HIVEP2: variants seen among roughly 807,000 people sequenced by gnomAD.
HIVEP2 encodes the protein transcription factor HIVEP2.
Under a neutral mutation model 180.7 loss-of-function variants are expected in HIVEP2, and 14 were observed. The ratio of observed to expected loss-of-function variants is 0.08; its 90% CI spans 0.05 to 0.12. The LOEUF (loss-of-function observed/expected upper bound fraction) is 0.12, where lower values mean the gene tolerates loss of function less well. HIVEP2 is among the 10% of genes least tolerant of loss of function. HIVEP2 has a pLI of 1.00. For missense variants in HIVEP2, 2,579 were observed against 3,008.5 expected (o/e 0.86, Z 3.34); for synonymous variants, 1,184 against 1,136.4 (o/e 1.04, Z -0.84).
At chr6:142,830,705 T>C (rs142901486) in intron 2 of HIVEP2, among the ~76,000 whole-genome samples, 1 of 152,134 alleles carries the variant, frequency 6.6e-6, no homozygotes, top group Non-Finnish European at 1.5e-5. Flanking sequence ...CAGACTCAAC[T>C]GGTACACAAT....
At position 142,775,034 on chromosome 6, in the gene HIVEP2, A is replaced by G; in HGVS notation, c.-296T>C. The G allele has an allele frequency of 8.9e-7, 1 of 1,127,548 alleles. No individual in the cohort carries two copies. The highest frequency in any genetic ancestry group is 1.1e-6 in the Non-Finnish European group (1 of 919,798). 69.8% of individuals were successfully genotyped at this position (1,127,548 alleles called of 1,614,324 possible). A position where few individuals can be genotyped will look rare whatever the true frequency, so the allele number is the denominator to read the frequency against. On this transcript the variant is annotated 5_prime_UTR_variant, in exon 5 of 10. The change abolishes the stop of an existing upstream ORF in the 5' untranslated region. Transcript: ENST00000367603. ...TTATGGCATTTGAAAATTTTCAACT[A>G]GGATGAAATTGGGATGATGAATAGT...
At chr6:142,850,088 G>T (rs1339643070) in intron 1 of HIVEP2, among the ~76,000 whole-genome samples, 1 of 152,184 alleles carries the variant, frequency 6.6e-6, no homozygotes, top group African/African-American at 2.4e-5. Context: ...AAAGCAGGTG[G>T]TCGAAACTGT....
intron 7 of HIVEP2, among the ~76,000 whole-genome samples, chr6:142,762,452 G>GCACACA (rs35168499): frequency 0.026 from 3,742 of 144,048 alleles, 62 homozygotes; most frequent in Non-Finnish European, 0.037. Flanking sequence ...ACAGAAGAAT[G>GCACACA]CACACACACA....
chr6:142,782,996 A>G (rs1484552071), intron 3 of HIVEP2, among the ~76,000 whole-genome samples: 1 of 152,236 alleles, frequency 6.6e-6, no homozygotes, highest in Non-Finnish European at 1.5e-5. Context: ...ACTTTGTCAG[A>G]AATAAATTCT....
chr6:142,867,001 G>A (rs747982534), intron 1 of HIVEP2, among the ~76,000 whole-genome samples: 1 of 152,160 alleles, frequency 6.6e-6, no homozygotes, highest in Non-Finnish European at 1.5e-5. Context: ...AGGATCCAGA[G>A]GGTTATAAGA....
intron 1 of HIVEP2, among the ~76,000 whole-genome samples, chr6:142,890,271 G>C (rs938619820): frequency 6.6e-6 from 1 of 152,210 alleles, no homozygotes; most frequent in Non-Finnish European, 1.5e-5. Context: ...GAGAAGATCA[G>C]ATAACAGAGT....
intron 1 of HIVEP2, among the ~76,000 whole-genome samples, chr6:142,927,225 G>A (rs1330366609): frequency 6.6e-6 from 1 of 152,182 alleles, no homozygotes; most frequent in African/African-American, 2.4e-5. Context: ...TTTCCCACGG[G>A]GAGGAAAAGG....
intron 6 of HIVEP2, among the ~76,000 whole-genome samples, chr6:142,767,379 AC>A (rs36099170): frequency 6.6e-6 from 1 of 152,216 alleles, no homozygotes; most frequent in Admixed American, 6.5e-5. Context: ...AGAGGGCAAA[AC>A]CTAAGGGACA....
At chr6:142,848,644 A>C (rs1775574998) in intron 1 of HIVEP2, among the ~76,000 whole-genome samples, 1 of 152,062 alleles carries the variant, frequency 6.6e-6, no homozygotes, top group Non-Finnish European at 1.5e-5. Flanking sequence ...GATTGCTTGC[A>C]TCTGGGAAGT....
chr6:142,788,440 T>C (rs2114713204), intron 2 of HIVEP2: 1 of 152,284 alleles, frequency 6.6e-6, no homozygotes, highest in Middle Eastern at 3.4e-3. Flanking sequence ...TGGCTGGGTA[T>C]GGTGGCTCAC....
At chr6:142,825,035 T>C (rs1043575038) in intron 2 of HIVEP2, among the ~76,000 whole-genome samples, 2 of 152,174 alleles carry the variant, frequency 1.3e-5, no homozygotes. Context: ...CTTAAACTTA[T>C]TGGACAAATC....
intron 1 of HIVEP2, among the ~76,000 whole-genome samples, chr6:142,923,914 A>T (rs1260201691): frequency 6.6e-6 from 1 of 152,248 alleles, no homozygotes; most frequent in African/African-American, 2.4e-5. Context: ...TTAAGAACTC[A>T]AAGAATCTTT....
At chr6:142,837,668 A>G (rs1215880222) in intron 1 of HIVEP2, among the ~76,000 whole-genome samples, 1 of 152,112 alleles carries the variant, frequency 6.6e-6, no homozygotes, top group Non-Finnish European at 1.5e-5. Flanking sequence ...TATAAATAAT[A>G]TTGGTTTATT....
At chr6:142,850,710 T>C (rs1191841818) in intron 1 of HIVEP2, among the ~76,000 whole-genome samples, 2 of 152,218 alleles carry the variant, frequency 1.3e-5, no homozygotes, top group African/African-American at 4.8e-5. Context: ...GGGAGGGAAT[T>C]CCTAAGCCTG....
At position 142,753,376 on chromosome 6, in the gene HIVEP2, G is replaced by A. The variant is rs1774972546; in HGVS notation, c.7072C>T (p.His2358Tyr). Reference sequence around the variant, plus strand: ...TGTGCACTTCCCAGGGGGTTCTGGTGGGGCTCCTGCACCCGCGCTGGCTGA... The same window carrying A: ...TGTGCACTTCCCAGGGGGTTCTGGTAGGGCTCCTGCACCCGCGCTGGCTGA... ...PDQPARVQEP[H>Y]QNPLGSAHVS... is the part of the protein sequence containing the mutation. Residue 2358 changes from histidine to tyrosine, a missense_variant, in exon 10 of 10, where the codon CAC (histidine) becomes TAC (tyrosine). By Grantham distance (83) the His-to-Tyr change is moderately conservative. Transcript: ENST00000367603. 6.2e-7 allele frequency: 1 copy of A among 1,614,018 alleles called. No individual in the cohort carries two copies. Among genetic ancestry groups the A allele is most frequent in the Non-Finnish European group, 8.5e-7 (1 of 1,180,034 alleles).
At chr6:142,906,591 T>C (rs1777269592) in intron 1 of HIVEP2, among the ~76,000 whole-genome samples, 1 of 152,038 alleles carries the variant, frequency 6.6e-6, no homozygotes, top group Admixed American at 6.5e-5. Flanking sequence ...AAAATATTCA[T>C]TCCCTTTGAA....
chr6:142,902,843 G>T (rs918641078), intron 1 of HIVEP2, among the ~76,000 whole-genome samples: 25 of 152,336 alleles, frequency 1.6e-4, no homozygotes, highest in Admixed American at 1.3e-3. Flanking sequence ...GCATTCCCCA[G>T]CCTCTTGGCT....
At chr6:142,813,726 C>A (rs1460834115) in intron 2 of HIVEP2, among the ~76,000 whole-genome samples, 2 of 151,736 alleles carry the variant, frequency 1.3e-5, no homozygotes, top group Non-Finnish European at 2.9e-5. Context: ...TAGGTACATG[C>A]CCCAGAATTT....
At chr6:142,757,658 A>AAAT (rs1244412720) in intron 9 of HIVEP2, among the ~76,000 whole-genome samples, 2 of 152,216 alleles carry the variant, frequency 1.3e-5, no homozygotes, top group Non-Finnish European at 1.5e-5. Flanking sequence ...CTCCATCTCA[A>AAAT]AATAATAATA....
Sources: allele counts gnomAD v4.1 joint callset (sites outside exome capture counted in the v4.1 genomes callset), GRCh38; gene constraint gnomAD v4.1.1; transcripts MANE v1.5; gene names NCBI Gene and HGNC (gene_info 2026-07-23, HGNC 2026-07-21).